The following PHIP variants were observed in gnomAD, a reference collection of about 807,000 sequenced individuals.
The protein encoded by PHIP is PH-interacting protein.
In PHIP, 54 loss-of-function variants were observed where a neutral mutation model predicts 236.8. The ratio of observed to expected loss-of-function variants is 0.23; its 90% CI spans 0.18 to 0.29. The LOEUF (loss-of-function observed/expected upper bound fraction) is 0.29, where lower values mean the gene tolerates loss of function less well. Among genes scored for constraint, PHIP ranks in the 10% least tolerant of loss-of-function variants. The pLI is 1.00. For missense variants in PHIP, 1,370 were observed against 2,190.8 expected (o/e 0.63, Z 7.48); for synonymous variants, 756 against 718.9 (o/e 1.05, Z -0.83).
In PHIP at chr6:78,985,426, T is replaced by G. The variant is rs1362368233; in HGVS notation, c.2463A>C (p.Glu821Asp). 1 of 1,552,780 alleles carries G rather than the reference T, an allele frequency of 6.4e-7. No individual in the cohort carries two copies. Among genetic ancestry groups the G allele is most frequent in the Admixed American group, 1.7e-5 (1 of 59,946 alleles). ...CACCACTGACAGCAACTACTTCGCCTTCCTAAGATATGTTGAATACATGTC... is the reference window on the plus strand; with the variant it reads ...CACCACTGACAGCAACTACTTCGCCGTCCTAAGATATGTTGAATACATGTC... ...EIENGSSSSD[E>D]GEVVAVSGGT... Residue 821 changes from glutamate to aspartate, a missense_variant and splice_region_variant, in exon 22 of 40, where the codon GAA becomes GAC. By Grantham distance (45) the Glu-to-Asp change is conservative. Coordinates refer to ENST00000275034, the MANE Select transcript of PHIP (RefSeq NM_017934.7).
At chr6:79,049,596 AC>A (rs1319664109) in intron 6 of PHIP, among the ~76,000 whole-genome samples, 27 of 152,330 alleles carry the variant, frequency 1.8e-4, no homozygotes, top group African/African-American at 6.5e-4. Flanking sequence ...ACGATTAATA[AC>A]TATCACTGTA....
chr6:79,068,763 T>A (rs949604434), intron 4 of PHIP, among the ~76,000 whole-genome samples: 2 of 152,224 alleles, frequency 1.3e-5, no homozygotes, highest in Admixed American at 1.3e-4. Context: ...AGGAAAAAAA[T>A]TTGAGCATGT....
At chr6:79,061,166 C>T (rs1036352505) in intron 4 of PHIP, among the ~76,000 whole-genome samples, 8 of 152,098 alleles carry the variant, frequency 5.3e-5, no homozygotes, top group Non-Finnish European at 1.2e-4. Context: ...TTAATTTATA[C>T]CGGCATTTGA....
chr6:78,949,693 T>C lies in PHIP; in HGVS notation c.4054-1918A>G, dbSNP rs115035824. ...TTCTGGGACTCTTTTTTACTTTTTT[T>C]TTTTTGTTGTTAATGAGATAGGGTC... On this transcript the variant is annotated intron_variant, in intron 35 of 39. Coordinates refer to ENST00000275034, the MANE Select transcript of PHIP (RefSeq NM_017934.7). Among the ~76,000 whole-genome samples, 263 of 152,078 alleles carry C rather than the reference T, an allele frequency of 1.7e-3. 3 individuals are homozygous for C. The highest frequency in any genetic ancestry group is 5.5e-3 in the African/African-American group (228 of 41,472).
chr6:78,978,557 G>C (rs1200599974), intron 24 of PHIP, 35 bp downstream of exon 24: 1 of 1,531,738 alleles, frequency 6.5e-7, no homozygotes, highest in Admixed American at 1.8e-5. Flanking sequence ...AAAACTATGT[G>C]AGGAAAAATG....
chr6:79,059,593 A>ATATT (rs1309477325), intron 6 of PHIP, among the ~76,000 whole-genome samples: 1 of 49,424 alleles, frequency 2.0e-5, no homozygotes, highest in Non-Finnish European at 4.5e-5. Context: ...AAGCAAAATT[A>ATATT]TATATATATA....
chr6:79,077,639 G>A lies in PHIP; in HGVS notation c.129+61C>T, dbSNP rs1329678099. 4.4e-6 allele frequency: 4 copies of A among 917,372 alleles called. No individual in the cohort carries two copies. In the African/African-American group the frequency reaches 5.5e-5, roughly 13 times the overall value. The allele number at this position is 917,372 out of a possible 1,614,324, so 56.8% of individuals were successfully genotyped here. On this transcript the variant is annotated intron_variant, in intron 3 of 39. Coordinates refer to ENST00000275034, the MANE Select transcript of PHIP (RefSeq NM_017934.7). ...CGCCCTGCCGGCGGCGGCAGCGGCGGCGCAGCGGCCCAGAGGCGGCCGCGC... is the reference window on the plus strand; with the variant it reads ...CGCCCTGCCGGCGGCGGCAGCGGCGACGCAGCGGCCCAGAGGCGGCCGCGC...
At chr6:79,030,364 AG>A (rs1771609412) in intron 7 of PHIP, among the ~76,000 whole-genome samples, 3 of 152,206 alleles carry the variant, frequency 2.0e-5, no homozygotes. Context: ...CCAATACTCA[AG>A]GGAAAACTAA....
At chr6:78,995,381 A>G (rs903049195) in intron 19 of PHIP, among the ~76,000 whole-genome samples, 3 of 152,204 alleles carry the variant, frequency 2.0e-5, no homozygotes, top group South Asian at 4.1e-4. Context: ...TAAATTCCCA[A>G]TAGTGCAACT....
At chr6:79,077,544 G>T in intron 3 of PHIP, 37 bp from the exon 4 acceptor site, 4 of 1,295,636 alleles carry the variant, frequency 3.1e-6, no homozygotes, top group East Asian at 6.8e-5. Context: ...CCGGCCCCCG[G>T]CCCCTACCCG....
intron 24 of PHIP, among the ~76,000 whole-genome samples, chr6:78,971,800 C>T (rs923267098): frequency 9.2e-5 from 14 of 152,142 alleles, no homozygotes; most frequent in East Asian, 3.9e-4. Context: ...CACTCCCACC[C>T]GAATACTGCG....
chr6:78,940,085 G>A lies in PHIP; in HGVS notation c.*608C>T, dbSNP rs1271260251. The A allele has an allele frequency of 6.6e-6, 1 of 152,208 alleles. No homozygotes were observed. The highest frequency in any genetic ancestry group is 1.9e-4 in the East Asian group (1 of 5,188). 9.4% of individuals were successfully genotyped at this position (152,208 alleles called of 1,614,324 possible). A position where few individuals can be genotyped will look rare whatever the true frequency, so the allele number is the denominator to read the frequency against. On this transcript the variant is annotated 3_prime_UTR_variant, in exon 40 of 40. Transcript: ENST00000275034. ...TCAGTACATTTTCTCTTGTTTGGCA[G>A]AAATGGAATAAAGCAAAAGCCTCCT... is the stretch of plus-strand genomic sequence containing the variant.
intron 21 of PHIP, among the ~76,000 whole-genome samples, chr6:78,987,686 T>C (rs898339020): frequency 7.2e-5 from 11 of 152,166 alleles, no homozygotes; most frequent in African/African-American, 2.2e-4. Flanking sequence ...TTGATTGCCT[T>C]CACTGAAATA....
intron 6 of PHIP, among the ~76,000 whole-genome samples, chr6:79,056,964 A>G (rs1773106501): frequency 6.6e-6 from 1 of 152,196 alleles, no homozygotes; most frequent in South Asian, 2.1e-4. Flanking sequence ...ATGATAATGG[A>G]GAACAAATTC....
chr6:79,049,509 A>G (rs1056888322), intron 6 of PHIP, among the ~76,000 whole-genome samples: 1 of 152,194 alleles, frequency 6.6e-6, no homozygotes, highest in African/African-American at 2.4e-5. Flanking sequence ...AAAGGGAGTA[A>G]CTTCTAAATA....
At chr6:79,035,954 A>G (rs1771910198) in intron 7 of PHIP, among the ~76,000 whole-genome samples, 1 of 152,244 alleles carries the variant, frequency 6.6e-6, no homozygotes, top group Non-Finnish European at 1.5e-5. Flanking sequence ...TATACCACCA[A>G]TGACCAACCC....
At position 78,992,891 on chromosome 6, in the gene PHIP, C is replaced by T. The variant is rs151031160; in HGVS notation, c.2202-1906G>A. On this transcript the variant is annotated intron_variant, in intron 19 of 39. Transcript: ENST00000275034. ...TCTCACTTTAAATCAAAGGTAGCAA[C>T]GATTAAACTCTGTGATAAAGGCATG... Among the ~76,000 whole-genome samples the T allele has an allele frequency of 6.5e-4, 99 of 152,212 alleles. 1 individual carries two copies. In the South Asian group the frequency reaches 8.1e-3, roughly 12 times the overall value.
chr6:79,027,751 G>A (rs1007528388), intron 7 of PHIP, among the ~76,000 whole-genome samples: 3 of 152,104 alleles, frequency 2.0e-5, no homozygotes, highest in Admixed American at 1.3e-4. Context: ...GCAGAGGTAC[G>A]GGGTGGAAAG....
chr6:79,004,363 T>G, intron 15 of PHIP: 1 of 974,704 alleles, frequency 1.0e-6, no homozygotes, highest in Non-Finnish European at 1.2e-6. Context: ...AAAGAAAAGG[T>G]TTTTTTTACC....
Sources: gnomAD v4.1 joint callset for allele counts (sites outside exome capture counted in the v4.1 genomes callset) on GRCh38, gnomAD v4.1.1 for gene constraint, MANE v1.5 for transcripts, NCBI Gene and HGNC (gene_info 2026-07-23, HGNC 2026-07-21) for gene names.